Variants in ARMH4 observed in about 807,000 individuals in gnomAD.
The protein encoded by ARMH4 is armadillo like helical domain containing 4, also known as armadillo-like helical domain-containing protein 4.
In ARMH4, 49 loss-of-function variants were observed where a neutral mutation model predicts 61.9. The ratio of observed to expected loss-of-function variants is 0.79; its 90% CI spans 0.63 to 1.00. The LOEUF is 1.00. Among genes scored for constraint, ARMH4 ranks in the 50% least tolerant of loss-of-function variants. The pLI, the probability that ARMH4 is intolerant of heterozygous loss-of-function variation, is 0.00. For synonymous variants in ARMH4, 368 were observed against 341.5 expected (o/e 1.08, Z -0.85); for missense variants, 934 against 930.0 (o/e 1.00, Z -0.06).
intron 1 of ARMH4, chr14:58,141,208 A>G: frequency 3.8e-6 from 1 of 261,178 alleles, no homozygotes; most frequent in South Asian, 4.6e-5. Flanking sequence ...TAAAGTAAGT[A>G]AATAATTTTC....
chr14:58,089,853 C>T (rs1234169521), intron 5 of ARMH4, among the ~76,000 whole-genome samples: 1 of 152,242 alleles, frequency 6.6e-6, no homozygotes, highest in African/African-American at 2.4e-5. Context: ...CAGTCCCTCA[C>T]TATAGAATTG....
At chr14:58,048,968 T>C (rs1884030729) in intron 5 of ARMH4, among the ~76,000 whole-genome samples, 1 of 152,124 alleles carries the variant, frequency 6.6e-6, no homozygotes, top group African/African-American at 2.4e-5. Context: ...CTGGGCACCG[T>C]GGCTCATGCC....
chr14:58,065,179 T>C (rs984130229), intron 5 of ARMH4, among the ~76,000 whole-genome samples: 2 of 152,012 alleles, frequency 1.3e-5, no homozygotes, highest in African/African-American at 4.8e-5. Flanking sequence ...GAGGCAGAGG[T>C]TGCAGTGAGC....
intron 4 of ARMH4, among the ~76,000 whole-genome samples, chr14:58,122,498 A>C (rs1161889114): frequency 6.6e-6 from 1 of 152,214 alleles, no homozygotes; most frequent in Non-Finnish European, 1.5e-5. Flanking sequence ...AGCTACAGAC[A>C]TTAGAAAAAA....
intron 1 of ARMH4, among the ~76,000 whole-genome samples, chr14:58,148,109 G>C (rs1887799713): frequency 6.6e-6 from 1 of 152,038 alleles, no homozygotes; most frequent in South Asian, 2.1e-4. Flanking sequence ...CAGTGCAGTG[G>C]CATGATCTCG....
At chr14:58,058,662 G>A (rs1884426577) in intron 5 of ARMH4, among the ~76,000 whole-genome samples, 1 of 152,210 alleles carries the variant, frequency 6.6e-6, no homozygotes, top group Non-Finnish European at 1.5e-5. Flanking sequence ...AATGAGCAAT[G>A]AGGACAATCA....
rs1887296456 is a variant in ARMH4 at position 58,136,174 on chromosome 14, T to C, written c.1369+1816A>G. Among the ~76,000 whole-genome samples the C allele has an allele frequency of 3.3e-5, 5 of 152,326 alleles. 1 individual carries two copies. The South Asian group carries it at 1.0e-3, about 32-fold the overall frequency. ...CTAGAAATTAAAAGTAGTGGCCTTT[T>C]AAAAGATTATAATTTGCTGAGGCAA... is the stretch of plus-strand genomic sequence containing the variant. On this transcript the variant is annotated intron_variant, in intron 2 of 7. Coordinates refer to ENST00000267485, the MANE Select transcript of ARMH4 (RefSeq NM_001001872.4).
intron 4 of ARMH4, among the ~76,000 whole-genome samples, chr14:58,126,802 A>ATTTTTTTTTTTTTTTTTTTTTTTTTT (rs34763780): frequency 1.5e-5 from 2 of 137,274 alleles, no homozygotes; most frequent in South Asian, 2.3e-4. Context: ...TCTCCATTGG[A>ATTTTTTTTTTTTTTTTTTTTTTTTTT]TTTTTTTTTT....
At chr14:58,119,250 G>A (rs925026567) in intron 4 of ARMH4, among the ~76,000 whole-genome samples, 1 of 152,124 alleles carries the variant, frequency 6.6e-6, no homozygotes, top group African/African-American at 2.4e-5. Context: ...ATGCTAAGAG[G>A]TAGTCCGATG....
At chr14:58,027,692 A>G (rs1191726487) in intron 5 of ARMH4, among the ~76,000 whole-genome samples, 1 of 152,192 alleles carries the variant, frequency 6.6e-6, no homozygotes, top group Non-Finnish European at 1.5e-5. Context: ...CTAAGACAGT[A>G]GATGTTAAGT....
At chr14:58,144,668 C>T (rs755586811) in intron 1 of ARMH4, among the ~76,000 whole-genome samples, 1 of 152,170 alleles carries the variant, frequency 6.6e-6, no homozygotes, top group African/African-American at 2.4e-5. Flanking sequence ...GAGATTGAGA[C>T]CATCCTGGCT....
Position 58,054,869 on chromosome 14 carries a change from CAAAA to C in ARMH4, c.2089+41851_2089+41854del, listed in dbSNP as rs72336341. Among the ~76,000 whole-genome samples the C allele has an allele frequency of 6.4e-3, 670 of 104,114 alleles. 7 individuals are homozygous for C. Among genetic ancestry groups the C allele is most frequent in the African/African-American group, 0.012 (320 of 26,902 alleles). 68.3% of individuals were successfully genotyped at this position (104,114 alleles called of 152,430 possible). A position where few individuals can be genotyped will look rare whatever the true frequency, so the allele number is the denominator to read the frequency against. ...TGTGTGCAAGAGAAGGACTCTGTCT[CAAAA>C]AAAAAAAAAAAATAATAATAATAAT... On this transcript the variant is annotated intron_variant, in intron 5 of 7. Transcript: ENST00000267485.
chr14:58,116,470 T>C, intron 4 of ARMH4: 2 of 304,988 alleles, frequency 6.6e-6, no homozygotes, highest in Non-Finnish European at 1.4e-5. Flanking sequence ...AGCCCAGGAG[T>C]TTGAGACGAG....
At chr14:58,016,312 A>T (rs949336816) in intron 5 of ARMH4, among the ~76,000 whole-genome samples, 3 of 152,204 alleles carry the variant, frequency 2.0e-5, no homozygotes, top group African/African-American at 7.2e-5. Context: ...TATTTTTAAA[A>T]TACTTAATGG....
chr14:58,074,297 A>G (rs1425785599), intron 5 of ARMH4, among the ~76,000 whole-genome samples: 1 of 152,150 alleles, frequency 6.6e-6, no homozygotes, highest in Admixed American at 6.5e-5. Context: ...CTACCATTTG[A>G]CAAGTGGAGT....
At chr14:58,141,193 T>G (rs1887537500) in intron 1 of ARMH4, 2 of 237,420 alleles carry the variant, frequency 8.4e-6, no homozygotes, top group African/African-American at 2.3e-5. Flanking sequence ...CTTTTAAGAG[T>G]TTTTTAAAGT....
chr14:58,041,878 T>C (rs1254082807), intron 5 of ARMH4, among the ~76,000 whole-genome samples: 1 of 152,080 alleles, frequency 6.6e-6, no homozygotes, highest in Non-Finnish European at 1.5e-5. Flanking sequence ...AAAGGATCAA[T>C]TCAACAAGAA....
chr14:58,031,428 T>C (rs1277644320), intron 5 of ARMH4, among the ~76,000 whole-genome samples: 1 of 152,204 alleles, frequency 6.6e-6, no homozygotes, highest in African/African-American at 2.4e-5. Flanking sequence ...AATATAATCA[T>C]GTACATTATT....
chr14:58,079,294 G>T (rs1443627549), intron 5 of ARMH4, among the ~76,000 whole-genome samples: 2 of 152,146 alleles, frequency 1.3e-5, no homozygotes, highest in African/African-American at 4.8e-5. Context: ...CACAAGCATG[G>T]TACTCGCATC....
Sources: allele counts gnomAD v4.1 joint callset (sites outside exome capture counted in the v4.1 genomes callset), GRCh38; gene constraint gnomAD v4.1.1; transcripts MANE v1.5; gene names NCBI Gene and HGNC (gene_info 2026-07-23, HGNC 2026-07-21).